The following ACOT1 variants were observed in gnomAD, a reference collection of about 807,000 sequenced individuals.
ACOT1 encodes the protein acyl-coenzyme A thioesterase 1.
In ACOT1, 8 loss-of-function variants were observed where a neutral mutation model predicts 15.7. The ratio of observed to expected loss-of-function variants is 0.51; its 90% confidence interval spans 0.30 to 0.92. The LOEUF is 0.92. Among genes scored for constraint, ACOT1 ranks in the 40% least tolerant of loss-of-function variants. The pLI is 0.06. For missense variants in ACOT1, 151 were observed against 539.4 expected (o/e 0.28, Z 7.13); for synonymous variants, 67 against 241.2 (o/e 0.28, Z 6.69).
At chr14:73,495,944 A>G in the ACOT1 span, among the ~76,000 whole-genome samples, 1 of 152,168 alleles carries the variant, frequency 6.6e-6, no homozygotes, top group Non-Finnish European at 1.5e-5. Context: ...CCTGGCCAAC[A>G]TAGCAAAACC....
At chr14:73,520,970 G>A in the ACOT1 span, 2 of 1,613,852 alleles carry the variant, frequency 1.2e-6, no homozygotes, top group South Asian at 2.2e-5. Context: ...TCTTTTCATG[G>A]ATATCCTCAG....
chr14:73,502,673 G>A, the ACOT1 span, among the ~76,000 whole-genome samples: 1,858 of 152,132 alleles, frequency 0.012, 32 homozygotes, highest in African/African-American at 0.039. Flanking sequence ...TCAGCCTCCC[G>A]AGTAGCTGGG....
the ACOT1 span, chr14:73,509,194 C>G: frequency 9.7e-7 from 1 of 1,026,950 alleles, no homozygotes; most frequent in African/African-American, 1.6e-5. Flanking sequence ...TAACATAAAT[C>G]TAAACCCAAT....
chr14:73,500,881 A>G, the ACOT1 span: 3 of 659,824 alleles, frequency 4.5e-6, no homozygotes, highest in Non-Finnish European at 7.7e-6. Flanking sequence ...TACTGGGTAC[A>G]GAGCTCGATT....
the ACOT1 span, chr14:73,500,494 G>A: frequency 1.3e-6 from 2 of 1,538,152 alleles, no homozygotes; most frequent in Non-Finnish European, 1.8e-6. Context: ...AACCAGGGAA[G>A]GTAATGCCCT....
At chr14:73,510,744 A>G in the ACOT1 span, among the ~76,000 whole-genome samples, 1 of 152,192 alleles carries the variant, frequency 6.6e-6, no homozygotes, top group Non-Finnish European at 1.5e-5. Flanking sequence ...CTTTGGCTGC[A>G]GTTCTTGAGG....
At chr14:73,494,004 C>G in the ACOT1 span, among the ~76,000 whole-genome samples, 1 of 152,204 alleles carries the variant, frequency 6.6e-6, no homozygotes, top group African/African-American at 2.4e-5. Flanking sequence ...TCACTGTTTG[C>G]TTACATCCAT....
At chr14:73,521,237 T>C in the ACOT1 span, among the ~76,000 whole-genome samples, 1 of 152,260 alleles carries the variant, frequency 6.6e-6, no homozygotes, top group East Asian at 1.9e-4. Flanking sequence ...AGGGCCTGTC[T>C]ACAGCTGTCC....
chr14:73,492,668 C>G, the ACOT1 span: 4 of 1,613,980 alleles, frequency 2.5e-6, no homozygotes, highest in Middle Eastern at 1.6e-4. This position sits in a 1 kb window ranked among gnomAD's most constrained non-coding sequence, Gnocchi z 4.9. Flanking sequence ...AGTCCATATG[C>G]TTCAGGATGG....
chr14:73,496,244 C>G, the ACOT1 span, among the ~76,000 whole-genome samples: 10 of 152,170 alleles, frequency 6.6e-5, no homozygotes, highest in African/African-American at 2.2e-4. Flanking sequence ...GGGGCCAGCT[C>G]TAGTCCCTTA....
chr14:73,520,982 G>C, the ACOT1 span: 1 of 1,613,796 alleles, frequency 6.2e-7, no homozygotes, highest in South Asian at 1.1e-5. Context: ...TATCCTCAGT[G>C]CTCTTGTTGC....
chr14:73,500,624 A>C, the ACOT1 span: 7 of 1,614,192 alleles, frequency 4.3e-6, no homozygotes, highest in East Asian at 1.6e-4. Context: ...TCATCAGAGA[A>C]GCAGTGCAGG....
chr14:73,491,044 G>A, the ACOT1 span: 5 of 1,586,798 alleles, frequency 3.2e-6, no homozygotes, highest in East Asian at 9.2e-5. Flanking sequence ...CCAGTGCAGG[G>A]CCGTTGAGGC....
At chr14:73,525,782 A>G in the ACOT1 span, among the ~76,000 whole-genome samples, 1 of 152,046 alleles carries the variant, frequency 6.6e-6, no homozygotes, top group South Asian at 2.1e-4. Context: ...GAGAAACCCC[A>G]TCTCTACTAA....
At chr14:73,513,640 T>C in the ACOT1 span, among the ~76,000 whole-genome samples, 1 of 141,532 alleles carries the variant, frequency 7.1e-6, no homozygotes, top group Non-Finnish European at 1.5e-5. Flanking sequence ...GGCAGGAGAA[T>C]TACTTGAAAC....
At chr14:73,542,165 ATT>A (rs34070206) in intron 2 of ACOT1, among the ~76,000 whole-genome samples, 27 of 97,906 alleles carry the variant, frequency 2.8e-4, no homozygotes, top group Admixed American at 3.6e-4. Context: ...TAATTTTTGT[ATT>A]TTTTTTTTTT....
the ACOT1 span, chr14:73,512,289 G>A: frequency 2.2e-6 from 2 of 924,444 alleles, no homozygotes; most frequent in Non-Finnish European, 1.6e-6. Context: ...AGGGCCCAGA[G>A]ATGGGGTCTT....
chr14:73,520,680 C>T, the ACOT1 span: 507 of 597,344 alleles, frequency 8.5e-4, 8 homozygotes, highest in South Asian at 0.011. Flanking sequence ...TATTAGTTAT[C>T]ACTCCCCGAC....
the ACOT1 span, chr14:73,518,993 C>T: frequency 6.3e-7 from 1 of 1,595,778 alleles, no homozygotes. Context: ...CGTTATTAAC[C>T]CCTGCCTTCC....
Sources: allele counts gnomAD v4.1 joint callset (sites outside exome capture counted in the v4.1 genomes callset), GRCh38; gene constraint gnomAD v4.1.1; non-coding constraint Gnocchi (gnomAD v3.1); transcripts MANE v1.5; gene names NCBI Gene and HGNC (gene_info 2026-07-23, HGNC 2026-07-21).